The following NPAS3 variants were observed in gnomAD, a reference collection of about 807,000 sequenced individuals.
NPAS3 encodes neuronal PAS domain-containing protein 3.
In NPAS3, 14 loss-of-function variants were observed where a neutral mutation model predicts 73.1. The ratio of observed to expected loss-of-function variants is 0.19; its 90% CI spans 0.13 to 0.30. The LOEUF is 0.30. Among genes scored for constraint, NPAS3 ranks in the 10% least tolerant of loss-of-function variants. The probability of loss-of-function intolerance (pLI) is 1.00; values close to 1 mark genes in which losing one functional copy is unlikely to be tolerated. For missense variants in NPAS3, 1,096 were observed against 1,250.0 expected, an observed-to-expected ratio of 0.88 and a Z score of 1.86; for synonymous variants, 620 against 541.5, an observed-to-expected ratio of 1.14 and a Z score of -2.01.
chr14:32,971,330 C>G (rs2037415082), intron 1 of NPAS3, among the ~76,000 whole-genome samples: 2 of 152,168 alleles, frequency 1.3e-5, no homozygotes, highest in Non-Finnish European at 2.9e-5. Context: ...AGTGATCCAC[C>G]TGCCTTGGCC....
chr14:33,623,591 T>C (rs906802624), intron 5 of NPAS3, among the ~76,000 whole-genome samples: 1 of 152,228 alleles, frequency 6.6e-6, no homozygotes, highest in Non-Finnish European at 1.5e-5. Flanking sequence ...ACGATGGTCC[T>C]GTGCAAACAT....
chr14:33,705,557 C>A (rs183958177), intron 6 of NPAS3, among the ~76,000 whole-genome samples: 1 of 152,204 alleles, frequency 6.6e-6, no homozygotes, highest in South Asian at 2.1e-4. Context: ...GTGTCTTTTG[C>A]GGACATTCTA....
At chr14:33,642,764 G>T (rs755555477) in intron 5 of NPAS3, among the ~76,000 whole-genome samples, 1 of 152,130 alleles carries the variant, frequency 6.6e-6, no homozygotes, top group Non-Finnish European at 1.5e-5. Context: ...ATTGTTTGTG[G>T]TGTCAGAGAA....
chr14:33,328,052 A>G lies in NPAS3; in HGVS notation c.386-39134A>G, dbSNP rs755249630. ...TGTTTTCCAAATACTCAGCAATTCT[A>G]TTGGCACTGGAAATAATCATGATGG... On this transcript the variant is annotated intron_variant, in intron 3 of 11. Transcript: ENST00000356141. Among the ~76,000 whole-genome samples the G allele has an allele frequency of 5.3e-5, 8 of 152,138 alleles. No homozygotes were observed. In the East Asian group the frequency reaches 5.8e-4, roughly 11 times the overall value.
At chr14:33,571,787 G>A (rs944661171) in intron 5 of NPAS3, among the ~76,000 whole-genome samples, 2 of 152,144 alleles carry the variant, frequency 1.3e-5, no homozygotes, top group African/African-American at 4.8e-5. Flanking sequence ...TCCCTTGTTG[G>A]CAGATTATCT....
exon 8 of NPAS3, chr14:33,774,357 G>A: frequency 1.9e-6 from 3 of 1,613,904 alleles, no homozygotes; most frequent in Non-Finnish European, 1.7e-6. Flanking sequence ...TAACAGGCCG[G>A]CTACGCCTGA....
At chr14:32,996,241 G>T (rs540624224) in intron 1 of NPAS3, among the ~76,000 whole-genome samples, 2 of 152,158 alleles carry the variant, frequency 1.3e-5, no homozygotes, top group African/African-American at 2.4e-5. Flanking sequence ...GCATTCAATA[G>T]GTGACTTGGG....
chr14:33,379,131 G>A (rs904180396), intron 4 of NPAS3, among the ~76,000 whole-genome samples: 35 of 152,018 alleles, frequency 2.3e-4, no homozygotes, highest in African/African-American at 8.4e-4. Context: ...AAATATAAAT[G>A]AATTTTATGT....
At chr14:33,137,782 ATG>A (rs1406137091) in intron 2 of NPAS3, among the ~76,000 whole-genome samples, 1 of 152,198 alleles carries the variant, frequency 6.6e-6, no homozygotes, top group Non-Finnish European at 1.5e-5. Context: ...ATGAAAATAT[ATG>A]TGTTTCTAGA....
At chr14:33,011,551 G>GTT (rs35182169) in intron 1 of NPAS3, among the ~76,000 whole-genome samples, 164 of 149,752 alleles carry the variant, frequency 1.1e-3, no homozygotes, top group African/African-American at 2.2e-3. Context: ...CTAGAAATCA[G>GTT]TTTTTTTTTT....
chr14:33,210,174 C>T (rs2046978442), intron 2 of NPAS3, among the ~76,000 whole-genome samples: 1 of 152,088 alleles, frequency 6.6e-6, no homozygotes, highest in African/African-American at 2.4e-5. Flanking sequence ...TTTGATCAAC[C>T]ACAAAGGATA....
At position 33,772,591 on chromosome 14, in the gene NPAS3, T is replaced by C. The variant is rs183256830; in HGVS notation, c.853-1746T>C. On this transcript the variant is annotated intron_variant, in intron 7 of 11. Transcript: ENST00000356141. The stretch of plus-strand genomic sequence containing the variant: ...ATAGATCTGTGTTTTTCCAAAAAGC[T>C]GAGTGTTCCTGATAAAACAAGACAG... Among the ~76,000 whole-genome samples, 216 of 152,348 alleles carry C rather than the reference T, an allele frequency of 1.4e-3. 1 individual carries two copies. The highest frequency in any genetic ancestry group is 5.1e-3 in the African/African-American group (211 of 41,586).
At chr14:33,031,628 G>T (rs904181721) in intron 1 of NPAS3, among the ~76,000 whole-genome samples, 5 of 152,154 alleles carry the variant, frequency 3.3e-5, no homozygotes, top group African/African-American at 1.2e-4. Context: ...GAATAGCTGG[G>T]ACCACACGTG....
chr14:33,246,470 A>G (rs539799837), intron 3 of NPAS3, among the ~76,000 whole-genome samples: 3 of 140,640 alleles, frequency 2.1e-5, no homozygotes, highest in East Asian at 2.2e-4. Flanking sequence ...ACCCCGGGGG[A>G]CGGAGCCTGC....
intron 4 of NPAS3, among the ~76,000 whole-genome samples, chr14:33,509,275 T>A (rs1405177760): frequency 2.6e-5 from 4 of 151,986 alleles, no homozygotes; most frequent in African/African-American, 9.7e-5. Flanking sequence ...CCATACAGAT[T>A]ATGAACTTTT....
chr14:33,644,020 C>T (rs781765400), intron 5 of NPAS3, among the ~76,000 whole-genome samples: 44 of 152,192 alleles, frequency 2.9e-4, no homozygotes, highest in African/African-American at 5.8e-4. Context: ...CTGCTTCATG[C>T]AAATTTATCA....
chr14:33,012,509 G>A (rs1484195728), intron 1 of NPAS3, among the ~76,000 whole-genome samples: 1 of 151,366 alleles, frequency 6.6e-6, no homozygotes, highest in Non-Finnish European at 1.5e-5. Context: ...AAATTAAATG[G>A]TGTCAGGAAA....
intron 2 of NPAS3, among the ~76,000 whole-genome samples, chr14:33,129,909 T>G (rs1412059946): frequency 6.6e-6 from 1 of 152,152 alleles, no homozygotes; most frequent in African/African-American, 2.4e-5. Context: ...TGAACTGAGA[T>G]CAATATATTT....
intron 4 of NPAS3, among the ~76,000 whole-genome samples, chr14:33,537,249 C>G (rs745384997): frequency 6.6e-6 from 1 of 152,156 alleles, no homozygotes; most frequent in South Asian, 2.1e-4. Context: ...TACTTCTGCT[C>G]TATTTTAATT....
Sources: allele counts gnomAD v4.1 joint callset (sites outside exome capture counted in the v4.1 genomes callset), GRCh38; gene constraint gnomAD v4.1.1; transcripts MANE v1.5; gene names NCBI Gene and HGNC (gene_info 2026-07-23, HGNC 2026-07-21).